Variants in FERRY3 observed in about 807,000 individuals in gnomAD.
The protein encoded by FERRY3 is FERRY endosomal RAB5 effector complex subunit 3, also known as protein C12orf4.
At chr12:4,521,015 C>T in the FERRY3 span, among the ~76,000 whole-genome samples, 16 of 152,194 alleles carry the variant, frequency 1.1e-4, no homozygotes, top group African/African-American at 3.9e-4. Flanking sequence ...TACTATTAAC[C>T]TCAGTCTCTT....
the FERRY3 span, chr12:4,529,829 C>T: frequency 1.4e-4 from 201 of 1,480,036 alleles, no homozygotes; most frequent in Middle Eastern, 1.6e-3. Context: ...TATTTGACAA[C>T]GTAACATTTA....
chr12:4,508,377 G>T, the FERRY3 span, among the ~76,000 whole-genome samples: 1 of 152,178 alleles, frequency 6.6e-6, no homozygotes, highest in Admixed American at 6.5e-5. Flanking sequence ...CAGATTTAAA[G>T]GTACAAACAG....
chr12:4,527,285 T>C, the FERRY3 span, among the ~76,000 whole-genome samples: 1 of 152,182 alleles, frequency 6.6e-6, no homozygotes, highest in African/African-American at 2.4e-5. Context: ...TAAAATTTCA[T>C]GAACATTTAT....
At chr12:4,536,041 T>C in the FERRY3 span, 2 of 1,584,162 alleles carry the variant, frequency 1.3e-6, no homozygotes, top group East Asian at 2.3e-5. Flanking sequence ...CACGGTAAAC[T>C]GTGCAGCAGC....
the FERRY3 span, among the ~76,000 whole-genome samples, chr12:4,507,238 A>C: frequency 1.3e-5 from 2 of 152,188 alleles, no homozygotes; most frequent in African/African-American, 4.8e-5. Context: ...TACGAGAAGA[A>C]GGAAGCTATT....
At chr12:4,509,635 T>C in the FERRY3 span, among the ~76,000 whole-genome samples, 14,673 of 122,158 alleles carry the variant, frequency 0.12, 2,733 homozygotes, top group African/African-American at 0.37. Flanking sequence ...CCGGCAGGGG[T>C]ACACTGACAC....
chr12:4,530,367 T>TCA, the FERRY3 span, among the ~76,000 whole-genome samples: 1 of 152,048 alleles, frequency 6.6e-6, no homozygotes, highest in Non-Finnish European at 1.5e-5. Context: ...TTCTGTGAAA[T>TCA]CACACACACA....
chr12:4,517,192 A>G, the FERRY3 span: 1 of 1,535,872 alleles, frequency 6.5e-7, no homozygotes, highest in East Asian at 2.4e-5. Context: ...GGCAAAATCT[A>G]AGGGACCCAA....
the FERRY3 span, among the ~76,000 whole-genome samples, chr12:4,512,453 A>T: frequency 6.6e-6 from 1 of 152,292 alleles, no homozygotes; most frequent in African/African-American, 2.4e-5. Context: ...CAAATTTTAG[A>T]CCAATATCCT....
chr12:4,534,241 A>T, the FERRY3 span: 23 of 1,612,678 alleles, frequency 1.4e-5, no homozygotes, highest in Non-Finnish European at 1.9e-5. Flanking sequence ...ATGCTTCAGC[A>T]TCTCTATCAT....
the FERRY3 span, among the ~76,000 whole-genome samples, chr12:4,502,006 G>A: frequency 6.6e-6 from 1 of 152,172 alleles, no homozygotes; most frequent in South Asian, 2.1e-4. The surrounding 1 kb of genome is among the most constrained non-coding windows in gnomAD (Gnocchi z 4.2). Context: ...CAAACATGCA[G>A]AGCTTGTTTC....
chr12:4,506,760 C>G, the FERRY3 span, among the ~76,000 whole-genome samples: 2 of 151,824 alleles, frequency 1.3e-5, no homozygotes, highest in Non-Finnish European at 2.9e-5. Context: ...ACATTTTTGG[C>G]TTTTTATCAT....
At chr12:4,512,417 G>A in the FERRY3 span, among the ~76,000 whole-genome samples, 5 of 152,264 alleles carry the variant, frequency 3.3e-5, no homozygotes, top group Non-Finnish European at 5.9e-5. Flanking sequence ...TGATACCAAA[G>A]CCAGGCAGAG....
At chr12:4,506,632 C>T in the FERRY3 span, among the ~76,000 whole-genome samples, 2 of 152,200 alleles carry the variant, frequency 1.3e-5, no homozygotes, top group African/African-American at 4.8e-5. Flanking sequence ...GTTAAGTAAA[C>T]GAGAGAGAAC....
chr12:4,493,327 C>T, the FERRY3 span, among the ~76,000 whole-genome samples: 1 of 152,122 alleles, frequency 6.6e-6, no homozygotes, highest in Admixed American at 6.5e-5. Context: ...CCCTTATTAC[C>T]TTTACAATGC....
the FERRY3 span, among the ~76,000 whole-genome samples, chr12:4,497,922 T>C: frequency 4.6e-5 from 7 of 152,214 alleles, no homozygotes; most frequent in Admixed American, 3.9e-4. Context: ...TTCGGGATGC[T>C]TGCACCAAAG....
chr12:4,532,344 T>C, the FERRY3 span, among the ~76,000 whole-genome samples: 5 of 152,330 alleles, frequency 3.3e-5, no homozygotes, highest in East Asian at 9.7e-4. Flanking sequence ...AACGCTGTCC[T>C]ATAAAATCTC....
the FERRY3 span, among the ~76,000 whole-genome samples, chr12:4,505,626 G>A: frequency 6.6e-6 from 1 of 152,204 alleles, no homozygotes; most frequent in African/African-American, 2.4e-5. Flanking sequence ...AGGCTTGGAT[G>A]GGTTAACTAA....
chr12:4,518,262 G>T, the FERRY3 span: 2 of 1,612,926 alleles, frequency 1.2e-6, no homozygotes, highest in Admixed American at 1.7e-5. Flanking sequence ...GCTCCTGGGG[G>T]TAGGCAATAG....
Sources: allele counts gnomAD v4.1 joint callset (sites outside exome capture counted in the v4.1 genomes callset), GRCh38; gene constraint gnomAD v4.1.1; non-coding constraint Gnocchi (gnomAD v3.1); transcripts MANE v1.5; gene names NCBI Gene and HGNC (gene_info 2026-07-23, HGNC 2026-07-21).